The following CNTNAP2 variants were observed in gnomAD, a reference collection of about 807,000 sequenced individuals.
CNTNAP2 encodes contactin associated protein 2.
Under a neutral mutation model 155.2 loss-of-function variants are expected in CNTNAP2, and 98 were observed. That is an observed-to-expected ratio of 0.63 (90% CI 0.54 to 0.75). The LOEUF (loss-of-function observed/expected upper bound fraction) is 0.75. Ranked by LOEUF, CNTNAP2 falls within the 30% of genes least tolerant of loss-of-function variation. The pLI is 0.00. For missense variants in CNTNAP2, 1,727 were observed against 1,688.1 expected, an observed-to-expected ratio of 1.02 and a Z score of -0.40; for synonymous variants, 651 against 631.2, an observed-to-expected ratio of 1.03 and a Z score of -0.47.
intron 1 of CNTNAP2, among the ~76,000 whole-genome samples, chr7:146,546,784 T>C (rs1358080): frequency 0.66 from 99,304 of 151,510 alleles, 34,034 homozygotes; most frequent in African/African-American, 0.84. Context: ...AGTGTAAGTC[T>C]CTTATAAAAC....
At chr7:146,350,810 A>G (rs1376075504) in intron 1 of CNTNAP2, among the ~76,000 whole-genome samples, 2 of 152,126 alleles carry the variant, frequency 1.3e-5, no homozygotes, top group Non-Finnish European at 2.9e-5. Context: ...CTGGATTAAG[A>G]AAATGTGACA....
rs1798581965 is a variant in CNTNAP2, at chr7:146,183,635, AT to A, written c.97+66663del. Among the ~76,000 whole-genome samples, 28 of 151,126 alleles carry A rather than the reference AT, an allele frequency of 1.9e-4. No homozygotes were observed. In the South Asian group the frequency reaches 5.2e-3, roughly 28 times the overall value. On this transcript the variant is annotated intron_variant, in intron 1 of 23. Transcript: ENST00000361727. ...AATAATAATAATAATAATAATAATAATAATAAATGTGTCACTGCAATTCCTA... is the reference window on the plus strand; with the variant it reads ...AATAATAATAATAATAATAATAATAAAATAAATGTGTCACTGCAATTCCTA...
At chr7:146,774,826 T>C (rs1385512334) in intron 2 of CNTNAP2, among the ~76,000 whole-genome samples, 1 of 152,186 alleles carries the variant, frequency 6.6e-6, no homozygotes, top group Non-Finnish European at 1.5e-5. Context: ...TAATTTTTCC[T>C]CCGGTACCCA....
At chr7:147,403,227 C>A (rs1236793235) in intron 10 of CNTNAP2, among the ~76,000 whole-genome samples, 3 of 152,132 alleles carry the variant, frequency 2.0e-5, no homozygotes, top group Non-Finnish European at 4.4e-5. Flanking sequence ...TTAAATCTAC[C>A]TATCACCTGG....
chr7:147,295,487 T>C (rs1317910109), intron 8 of CNTNAP2, among the ~76,000 whole-genome samples: 1 of 152,186 alleles, frequency 6.6e-6, no homozygotes, highest in African/African-American at 2.4e-5. Context: ...TCCTTCCCTA[T>C]ATACTGGAGA....
intron 12 of CNTNAP2, among the ~76,000 whole-genome samples, chr7:147,577,431 C>G (rs1238828221): frequency 6.6e-6 from 1 of 151,928 alleles, no homozygotes; most frequent in African/African-American, 2.4e-5. Context: ...AGAATAACAA[C>G]AAGATGAACC....
chr7:147,616,804 C>T (rs748379141), intron 12 of CNTNAP2, among the ~76,000 whole-genome samples: 4 of 152,124 alleles, frequency 2.6e-5, no homozygotes, highest in African/African-American at 4.8e-5. Context: ...GATTTTATAT[C>T]GTGCTCATTG....
chr7:147,773,584 C>T (rs1316111649), intron 13 of CNTNAP2, among the ~76,000 whole-genome samples: 1 of 152,180 alleles, frequency 6.6e-6, no homozygotes, highest in Non-Finnish European at 1.5e-5. Flanking sequence ...TCTGCTCTCT[C>T]AATTTTCAAA....
intron 19 of CNTNAP2, 112 bp from the exon 20 acceptor site, chr7:148,229,534 A>G (rs1795920801): frequency 1.4e-6 from 2 of 1,392,782 alleles, no homozygotes; most frequent in Non-Finnish European, 2.0e-6. Flanking sequence ...AAAAAGAAAG[A>G]AAAGAAAAGA....
chr7:146,491,090 C>A (rs1797132132), intron 1 of CNTNAP2, among the ~76,000 whole-genome samples: 1 of 151,374 alleles, frequency 6.6e-6, no homozygotes, highest in South Asian at 2.1e-4. Context: ...TTGCAAAGCC[C>A]CCCCAAAAAA....
intron 3 of CNTNAP2, among the ~76,000 whole-genome samples, chr7:146,869,616 G>A (rs1008420169): frequency 1.3e-5 from 2 of 152,160 alleles, no homozygotes; most frequent in Admixed American, 1.3e-4. Context: ...GAAGCCAACA[G>A]TGCAGTCTTC....
intron 15 of CNTNAP2, among the ~76,000 whole-genome samples, chr7:148,045,770 C>A (rs1332790495): frequency 3.9e-5 from 6 of 152,128 alleles, no homozygotes; most frequent in Non-Finnish European, 5.9e-5. Context: ...CACAATCACC[C>A]ACATAGCAGC....
intron 18 of CNTNAP2, among the ~76,000 whole-genome samples, chr7:148,192,784 C>A (rs1795221160): frequency 6.6e-6 from 1 of 152,176 alleles, no homozygotes; most frequent in South Asian, 2.1e-4. Flanking sequence ...CAAAGTTCAG[C>A]AATTCCTTTA....
intron 1 of CNTNAP2, among the ~76,000 whole-genome samples, chr7:146,506,639 C>T (rs1284446990): frequency 1.3e-5 from 2 of 152,196 alleles, no homozygotes; most frequent in African/African-American, 4.8e-5. Context: ...CCCAAATGGG[C>T]CTGTGACCAA....
intron 1 of CNTNAP2, among the ~76,000 whole-genome samples, chr7:146,748,247 G>A (rs1044230253): frequency 1.4e-5 from 2 of 146,578 alleles, no homozygotes; most frequent in African/African-American, 2.5e-5. Context: ...CCGGGTTCAC[G>A]CCATTCTCCC....
intron 8 of CNTNAP2, among the ~76,000 whole-genome samples, chr7:147,219,079 T>C (rs1031470874): frequency 6.6e-6 from 1 of 152,142 alleles, no homozygotes; most frequent in African/African-American, 2.4e-5. Context: ...TGCTGCATTA[T>C]CCAATGGCAG....
intron 1 of CNTNAP2, among the ~76,000 whole-genome samples, chr7:146,254,416 T>G (rs1478619761): frequency 6.6e-6 from 1 of 152,234 alleles, no homozygotes; most frequent in Non-Finnish European, 1.5e-5. Flanking sequence ...CGCCACTGCC[T>G]CATTCATACA....
intron 13 of CNTNAP2, among the ~76,000 whole-genome samples, chr7:147,886,803 A>C (rs1204408165): frequency 6.6e-6 from 1 of 152,146 alleles, no homozygotes; most frequent in African/African-American, 2.4e-5. Context: ...TAAACTGAAA[A>C]AGTGTTCATT....
Position 146,716,260 on chromosome 7 carries a change from G to T in CNTNAP2, c.98-58011G>T, listed in dbSNP as rs565197567. Among the ~76,000 whole-genome samples the T allele has an allele frequency of 5.3e-5, 8 of 150,078 alleles. No homozygotes were observed. The South Asian group carries it at 1.5e-3, about 28-fold the overall frequency. ...CATGTTTTGGGGTCCTGGCTGTGCT[G>T]TAAGCAGGACAAATTCTTAGGATTT... On this transcript the variant is annotated intron_variant, in intron 1 of 23. Transcript: ENST00000361727.
Sources: allele counts gnomAD v4.1 joint callset (sites outside exome capture counted in the v4.1 genomes callset), GRCh38; gene constraint gnomAD v4.1.1; transcripts MANE v1.5; gene names NCBI Gene and HGNC (gene_info 2026-07-23, HGNC 2026-07-21).